MAGI2: variants seen among roughly 807,000 people sequenced by gnomAD.
MAGI2 encodes membrane-associated guanylate kinase, WW and PDZ domain-containing protein 2.
Under a neutral mutation model 133.3 loss-of-function variants are expected in MAGI2, and 35 were observed. That is an observed-to-expected ratio of 0.26 (90% CI 0.20 to 0.35). The LOEUF is 0.35. Among genes scored for constraint, MAGI2 ranks in the 10% least tolerant of loss-of-function variants. The pLI is 1.00. For missense variants in MAGI2, 1,636 were observed against 1,863.4 expected, an observed-to-expected ratio of 0.88 and a Z score of 2.25; for synonymous variants, 729 against 710.6, an observed-to-expected ratio of 1.03 and a Z score of -0.41.
intron 6 of MAGI2, among the ~76,000 whole-genome samples, chr7:78,407,425 C>T (rs905782849): frequency 6.6e-6 from 1 of 151,860 alleles, no homozygotes; most frequent in Non-Finnish European, 1.5e-5. Context: ...GTTTTTTTAT[C>T]TTCCCAAATC....
In MAGI2 at chr7:78,127,326, G is replaced by A. The variant is rs1461548365; in HGVS notation, c.3294C>T (p.Tyr1098=). ...GGTAGTCCCCTCCTGGGGGTTGCCTGTAATCCAGCGGGGGCTGCCTGTAGT... is the reference window on the plus strand; with the variant it reads ...GGTAGTCCCCTCCTGGGGGTTGCCTATAATCCAGCGGGGGCTGCCTGTAGT... ...FTDYRQPPLD[Y]RQPPGGDYQQ... is the part of the protein sequence containing the mutation. The change falls in exon 19 of 22, where the codon TAC becomes TAT. Residue 1098 remains tyrosine, a synonymous_variant. Transcript: ENST00000354212. 2 of 1,611,820 alleles carry A rather than the reference G, an allele frequency of 1.2e-6. No homozygotes were observed. Among genetic ancestry groups the A allele is most frequent in the South Asian group, 2.2e-5 (2 of 91,058 alleles).
At chr7:78,779,252 T>C (rs1228136891) in intron 2 of MAGI2, among the ~76,000 whole-genome samples, 1 of 152,110 alleles carries the variant, frequency 6.6e-6, no homozygotes. Flanking sequence ...GCAACTTTTT[T>C]TTTCCCCCAG....
chr7:78,980,168 G>GT (rs974459858), intron 2 of MAGI2, among the ~76,000 whole-genome samples: 59 of 147,650 alleles, frequency 4.0e-4, no homozygotes, highest in South Asian at 1.1e-3. Context: ...TCTGTTCTTT[G>GT]TTTTTTTTTT....
At chr7:79,313,878 C>G (rs932774619) in intron 1 of MAGI2, among the ~76,000 whole-genome samples, 1 of 151,006 alleles carries the variant, frequency 6.6e-6, no homozygotes, top group Non-Finnish European at 1.5e-5. Context: ...TCTCAGTTAA[C>G]TGCAATCTCC....
chr7:78,612,667 A>AT (rs1219730784), intron 3 of MAGI2, among the ~76,000 whole-genome samples: 6 of 151,596 alleles, frequency 4.0e-5, no homozygotes, highest in Non-Finnish European at 7.4e-5. Flanking sequence ...ATCACATTTT[A>AT]TTTTTTTTAA....
intron 1 of MAGI2, among the ~76,000 whole-genome samples, chr7:79,043,586 A>C (rs1312789942): frequency 1.3e-5 from 2 of 150,682 alleles, no homozygotes; most frequent in Non-Finnish European, 3.0e-5. Flanking sequence ...ACAAAAAACC[A>C]TACAAAAGAT....
At chr7:78,263,423 G>T (rs974726222) in intron 9 of MAGI2, among the ~76,000 whole-genome samples, 3 of 152,026 alleles carry the variant, frequency 2.0e-5, no homozygotes, top group African/African-American at 7.3e-5. Context: ...ACCATCTATT[G>T]TATGAACTTC....
intron 2 of MAGI2, among the ~76,000 whole-genome samples, chr7:78,718,233 A>G (rs1430014673): frequency 6.6e-6 from 1 of 152,162 alleles, no homozygotes; most frequent in Non-Finnish European, 1.5e-5. Context: ...AATAAATACC[A>G]TTGTATATGC....
At chr7:79,367,436 C>T (rs186913870) in intron 1 of MAGI2, among the ~76,000 whole-genome samples, 74 of 152,270 alleles carry the variant, frequency 4.9e-4, no homozygotes, top group African/African-American at 1.7e-3. Flanking sequence ...AGGAACAGAG[C>T]TGATCAGGCA....
At chr7:79,432,018 G>T (rs1847812714) in intron 1 of MAGI2, among the ~76,000 whole-genome samples, 1 of 152,142 alleles carries the variant, frequency 6.6e-6, no homozygotes, top group Non-Finnish European at 1.5e-5. Context: ...GAGTTAATGT[G>T]AGCCTTAAAT....
intron 9 of MAGI2, among the ~76,000 whole-genome samples, chr7:78,314,223 T>C (rs183314776): frequency 1.9e-4 from 29 of 152,300 alleles, no homozygotes; most frequent in Non-Finnish European, 3.4e-4. Flanking sequence ...TATACTATTT[T>C]GTTTGATAGC....
intron 3 of MAGI2, among the ~76,000 whole-genome samples, chr7:78,593,004 G>A (rs1442087870): frequency 6.6e-6 from 1 of 151,396 alleles, no homozygotes; most frequent in Middle Eastern, 3.2e-3. Context: ...AAGCATTTTT[G>A]TATTTTTTGT....
At chr7:78,181,194 A>T (rs1007962487) in intron 13 of MAGI2, among the ~76,000 whole-genome samples, 7 of 152,102 alleles carry the variant, frequency 4.6e-5, no homozygotes, top group African/African-American at 1.7e-4. Flanking sequence ...TATTAATGCA[A>T]GAACTTAAAG....
At chr7:79,192,776 T>A (rs1210622133) in intron 1 of MAGI2, among the ~76,000 whole-genome samples, 1 of 151,886 alleles carries the variant, frequency 6.6e-6, no homozygotes, top group Non-Finnish European at 1.5e-5. Context: ...TGGATTTTAT[T>A]CCAACTGAAA....
chr7:78,097,836 A>G (rs924350941), intron 20 of MAGI2, among the ~76,000 whole-genome samples: 1 of 152,060 alleles, frequency 6.6e-6, no homozygotes, highest in Non-Finnish European at 1.5e-5. Context: ...AAAATAAAAA[A>G]TTTGCCAATC....
intron 21 of MAGI2, among the ~76,000 whole-genome samples, chr7:78,063,893 A>G (rs958278094): frequency 6.6e-6 from 1 of 152,052 alleles, no homozygotes; most frequent in Non-Finnish European, 1.5e-5. Flanking sequence ...ATTAATCTTT[A>G]TATCCCTAGC....
At chr7:78,994,626 T>G (rs375340519) in intron 2 of MAGI2, among the ~76,000 whole-genome samples, 5 of 152,090 alleles carry the variant, frequency 3.3e-5, no homozygotes, top group African/African-American at 1.2e-4. Context: ...ATCACACAAA[T>G]GGATATAGGC....
At chr7:78,196,264 G>T (rs1965532) in intron 11 of MAGI2, among the ~76,000 whole-genome samples, 1 of 151,282 alleles carries the variant, frequency 6.6e-6, no homozygotes, top group Non-Finnish European at 1.5e-5. Context: ...TGTCCCTCCT[G>T]CCCCTCGCAC....
chr7:78,622,999 C>A (rs1410179828), intron 3 of MAGI2, among the ~76,000 whole-genome samples: 1 of 151,974 alleles, frequency 6.6e-6, no homozygotes, highest in Non-Finnish European at 1.5e-5. Context: ...TTCAGAGTAA[C>A]CCATTCTGGC....
Sources: gnomAD v4.1 joint callset for allele counts (sites outside exome capture counted in the v4.1 genomes callset) on GRCh38, gnomAD v4.1.1 for gene constraint, MANE v1.5 for transcripts, NCBI Gene and HGNC (gene_info 2026-07-23, HGNC 2026-07-21) for gene names.